Variants in JMJD1C observed in about 807,000 individuals in gnomAD.
The protein encoded by JMJD1C is jumonji domain containing 1C.
JMJD1C carries 31 observed loss-of-function variants against 245.3 expected under a neutral mutation model. That is an observed-to-expected ratio of 0.13 (90% CI 0.09 to 0.17). The LOEUF (loss-of-function observed/expected upper bound fraction) is 0.17. Ranked by LOEUF, JMJD1C falls within the 10% of genes least tolerant of loss-of-function variation. JMJD1C has a pLI of 1.00. For synonymous variants in JMJD1C, 1,057 were observed against 1,017.4 expected, an observed-to-expected ratio of 1.04 and a Z score of -0.74; for missense variants, 2,691 against 3,000.2, an observed-to-expected ratio of 0.90 and a Z score of 2.41.
chr10:63,411,612 T>C (rs2132665321), intron 1 of JMJD1C, among the ~76,000 whole-genome samples: 1 of 149,654 alleles, frequency 6.7e-6, no homozygotes, highest in South Asian at 2.1e-4. Flanking sequence ...TTTTTTTTTT[T>C]TTTTTTTTGA....
Position 63,509,012 on chromosome 10 carries a change from T to C in JMJD1C, n.113+12726A>G, listed in dbSNP as rs73298572. On this transcript the variant is annotated intron_variant and non_coding_transcript_variant, in intron 1 of 3. Transcript: ENST00000633035. The stretch of plus-strand genomic sequence containing the variant: ...GACATTCTTGCCTTGTGCTTAATCT[T>C]TGCAGGAAAGGTTCCAGTTTCTTAA... Among the ~76,000 whole-genome samples the C allele has an allele frequency of 3.6e-3, 545 of 152,366 alleles. 4 individuals carry two copies. The highest frequency in any genetic ancestry group is 0.012 in the African/African-American group (509 of 41,590).
At chr10:63,458,723 A>AT (rs1554944497) in intron 1 of JMJD1C, among the ~76,000 whole-genome samples, 54,853 of 95,128 alleles carry the variant, frequency 0.58, 12,618 homozygotes, top group East Asian at 0.69. Context: ...CTTTTTTTTT[A>AT]TTTATTTATT....
chr10:63,217,089 C>T (rs965131661), intron 5 of JMJD1C, 118 bp downstream of exon 5: 1 of 899,906 alleles, frequency 1.1e-6, no homozygotes, highest in Admixed American at 2.5e-5. Context: ...ACTAGAATTA[C>T]ACGACTAAAA....
At chr10:63,280,683 A>C (rs1271259945) in intron 2 of JMJD1C, among the ~76,000 whole-genome samples, 1 of 152,224 alleles carries the variant, frequency 6.6e-6, no homozygotes, top group African/African-American at 2.4e-5. Flanking sequence ...TATCTTGTTC[A>C]ATCTACTTAG....
At chr10:63,521,721 G>C in intron 1 of JMJD1C, 1 of 445,414 alleles carries the variant, frequency 2.2e-6, no homozygotes. Context: ...GTCTGGGGGA[G>C]CCCTCGGCTT....
intron 25 of JMJD1C, 127 bp downstream of exon 25, chr10:63,168,308 G>A (rs1387069887): frequency 9.9e-7 from 1 of 1,010,120 alleles, no homozygotes; most frequent in Non-Finnish European, 1.5e-6. Context: ...AATACATGTT[G>A]GTGTTAATCT....
intron 1 of JMJD1C, among the ~76,000 whole-genome samples, chr10:63,450,605 A>G (rs1951998629): frequency 6.6e-6 from 1 of 152,238 alleles, no homozygotes. Context: ...GATGCAGATA[A>G]AGCATGTGAC....
At chr10:63,276,883 G>GTTTTT (rs1210696219) in intron 2 of JMJD1C, among the ~76,000 whole-genome samples, 2 of 41,094 alleles carry the variant, frequency 4.9e-5, no homozygotes, top group African/African-American at 1.5e-4. Flanking sequence ...GAAGCTTGGG[G>GTTTTT]CTTTTTTTTT....
intron 2 of JMJD1C, among the ~76,000 whole-genome samples, chr10:63,321,834 G>GGC (rs1940906912): frequency 2.6e-5 from 4 of 152,154 alleles, no homozygotes; most frequent in Non-Finnish European, 5.9e-5. Context: ...TAGCCAAGAG[G>GGC]ATGCCCTCTC....
At chr10:63,510,064 G>A (rs1469373571) in intron 1 of JMJD1C, among the ~76,000 whole-genome samples, 5 of 150,840 alleles carry the variant, frequency 3.3e-5, no homozygotes, top group African/African-American at 9.7e-5. Context: ...GTGCAGTGGC[G>A]TGATCTCGGC....
chr10:63,449,117 A>AAAAAT lies in JMJD1C; in HGVS notation c.168+16373_168+16377dup, dbSNP rs367691693. The stretch of plus-strand genomic sequence containing the variant: ...TGATGACAGAGCAAGACTCCGTCTC[A>AAAAAT]AAAATAAAATAAAATAAAATAAAAT... On this transcript the variant is annotated intron_variant, in intron 1 of 25. Transcript: ENST00000399262. 8.3e-3 allele frequency among the ~76,000 whole-genome samples: 1,262 copies of AAAAAT among 152,086 alleles called. 6 individuals carry two copies. The highest frequency in any genetic ancestry group is 0.016 in the South Asian group (75 of 4,812).
At chr10:63,511,861 C>T (rs1385279184) in intron 1 of JMJD1C, among the ~76,000 whole-genome samples, 1 of 152,150 alleles carries the variant, frequency 6.6e-6, no homozygotes, top group Non-Finnish European at 1.5e-5. Context: ...GCCCTGGAAC[C>T]AATTGCCCAT....
chr10:63,253,674 C>T (rs1212140765), intron 3 of JMJD1C, among the ~76,000 whole-genome samples: 9 of 152,174 alleles, frequency 5.9e-5, no homozygotes, highest in Non-Finnish European at 8.8e-5. Context: ...GCGTGAGCCA[C>T]CGCGCCCGGC....
At chr10:63,423,205 T>C (rs1252450769) in intron 1 of JMJD1C, among the ~76,000 whole-genome samples, 3 of 152,132 alleles carry the variant, frequency 2.0e-5, no homozygotes, top group Non-Finnish European at 4.4e-5. Context: ...CCTCTGGTGA[T>C]ATGCCCACCT....
chr10:63,403,927 C>T (rs1459062651), intron 1 of JMJD1C, among the ~76,000 whole-genome samples: 1 of 152,054 alleles, frequency 6.6e-6, no homozygotes, highest in African/African-American at 2.4e-5. Flanking sequence ...TAGAGTGAGA[C>T]TCTTGTCTCA....
intron 13 of JMJD1C, among the ~76,000 whole-genome samples, chr10:63,197,084 C>G (rs1367067928): frequency 6.6e-6 from 1 of 152,014 alleles, no homozygotes; most frequent in Admixed American, 6.6e-5. Flanking sequence ...GCTGAGATTA[C>G]AGGCATGAGC....
At chr10:63,427,414 G>A (rs1287351743) in intron 1 of JMJD1C, 1 of 1,113,172 alleles carries the variant, frequency 9.0e-7, no homozygotes, top group East Asian at 2.7e-5. Flanking sequence ...GGAAGACACA[G>A]TACACCGGGA....
intron 1 of JMJD1C, among the ~76,000 whole-genome samples, chr10:63,388,937 T>C (rs1436944294): frequency 6.6e-6 from 1 of 152,064 alleles, no homozygotes; most frequent in Non-Finnish European, 1.5e-5. Flanking sequence ...TATATAACGA[T>C]AAAAGAGATT....
chr10:63,183,903 C>A (rs1342075834), intron 21 of JMJD1C, among the ~76,000 whole-genome samples: 1 of 152,178 alleles, frequency 6.6e-6, no homozygotes, highest in African/African-American at 2.4e-5. Flanking sequence ...TTAGTAGAAA[C>A]TAAAAATCAT....
Sources: gnomAD v4.1 joint callset for allele counts (sites outside exome capture counted in the v4.1 genomes callset) on GRCh38, gnomAD v4.1.1 for gene constraint, MANE v1.5 for transcripts, NCBI Gene and HGNC (gene_info 2026-07-23, HGNC 2026-07-21) for gene names.